The following NRG3 variants were observed in gnomAD, a reference collection of about 807,000 sequenced individuals.
NRG3 encodes the protein neuregulin 3.
NRG3 carries 31 observed loss-of-function variants against 66.9 expected under a neutral mutation model. The observed-to-expected ratio is 0.46, with a 90% confidence interval of 0.35 to 0.63. NRG3 has a LOEUF of 0.63. NRG3 is among the 20% of genes least tolerant of loss of function. The probability of loss-of-function intolerance (pLI) is 0.00; values close to 1 mark genes in which losing one functional copy is unlikely to be tolerated. For synonymous variants in NRG3, 393 were observed against 359.4 expected, an observed-to-expected ratio of 1.09 and a Z score of -1.06; for missense variants, 910 against 878.9, an observed-to-expected ratio of 1.04 and a Z score of -0.45.
chr10:82,870,188 G>A (rs1841202728), intron 4 of NRG3, among the ~76,000 whole-genome samples: 1 of 151,432 alleles, frequency 6.6e-6, no homozygotes, highest in Admixed American at 6.6e-5. Context: ...TTTTACTATT[G>A]TCATAGTTTT....
intron 6 of NRG3, among the ~76,000 whole-genome samples, chr10:82,961,601 C>A (rs779815034): frequency 6.6e-6 from 1 of 152,192 alleles, no homozygotes. Flanking sequence ...TCTGAAGACA[C>A]TTTGGCTATT....
intron 2 of NRG3, among the ~76,000 whole-genome samples, chr10:82,425,770 A>G (rs1401559551): frequency 6.6e-6 from 1 of 152,096 alleles, no homozygotes; most frequent in Non-Finnish European, 1.5e-5. Flanking sequence ...CAGACACTAA[A>G]TTTTTATCTA....
At chr10:82,511,025 CTT>C (rs1445814843) in intron 2 of NRG3, among the ~76,000 whole-genome samples, 2 of 152,174 alleles carry the variant, frequency 1.3e-5, no homozygotes, top group East Asian at 1.9e-4. Context: ...ATTCCAAAGA[CTT>C]TTTCATTTCA....
At chr10:82,740,365 TA>T in intron 3 of NRG3, among the ~76,000 whole-genome samples, 1 of 152,078 alleles carries the variant, frequency 6.6e-6, no homozygotes, top group African/African-American at 2.4e-5. Flanking sequence ...AAAACCTCTT[TA>T]AACAATCTAA....
intron 1 of NRG3, among the ~76,000 whole-genome samples, chr10:82,115,905 A>G (rs555155734): frequency 1.5e-4 from 23 of 152,096 alleles, no homozygotes; most frequent in Non-Finnish European, 2.8e-4. Flanking sequence ...TCCTACATGG[A>G]TGGAGACTCA....
intron 3 of NRG3, among the ~76,000 whole-genome samples, chr10:82,849,683 T>G (rs2063475165): frequency 6.6e-6 from 1 of 152,190 alleles, no homozygotes; most frequent in South Asian, 2.1e-4. Context: ...TATAGGCAGA[T>G]GCAGCAGCCA....
chr10:82,466,724 CAT>C (rs1260694117), intron 2 of NRG3, among the ~76,000 whole-genome samples: 2 of 151,956 alleles, frequency 1.3e-5, no homozygotes, highest in South Asian at 2.1e-4. Flanking sequence ...ATTAGACAGA[CAT>C]GTGCTGCTGA....
intron 1 of NRG3, among the ~76,000 whole-genome samples, chr10:82,155,539 T>G (rs1326657969): frequency 6.6e-6 from 1 of 151,720 alleles, no homozygotes; most frequent in Non-Finnish European, 1.5e-5. Flanking sequence ...TATGGCTGTG[T>G]AAAAATGCTA....
intron 1 of NRG3, among the ~76,000 whole-genome samples, chr10:82,060,435 A>G (rs2064081878): frequency 6.6e-6 from 1 of 152,184 alleles, no homozygotes; most frequent in Non-Finnish European, 1.5e-5. Context: ...CTGAACTGCA[A>G]TGATTTTAAA....
chr10:82,183,626 G>C (rs2073589126), intron 1 of NRG3, among the ~76,000 whole-genome samples: 2 of 152,052 alleles, frequency 1.3e-5, no homozygotes, highest in Admixed American at 1.3e-4. Flanking sequence ...ATTTGCTCAT[G>C]TAATTGTCTA....
In NRG3 at chr10:82,625,380, A is replaced by T. The variant is rs1381777867; in HGVS notation, c.954-113197A>T. 5.3e-5 allele frequency among the ~76,000 whole-genome samples: 8 copies of T among 152,276 alleles called. 1 individual carries two copies. In the East Asian group the frequency reaches 1.5e-3, roughly 29 times the overall value. The stretch of plus-strand genomic sequence containing the variant: ...TCTATTATCCAGAATTTAATTAAAT[A>T]CACAGATACTTTTTTTAGTACCAAG... On this transcript the variant is annotated intron_variant, in intron 2 of 8. Transcript: ENST00000372141.
chr10:82,345,902 G>T (rs1208321117), intron 1 of NRG3, among the ~76,000 whole-genome samples: 3 of 151,940 alleles, frequency 2.0e-5, no homozygotes, highest in Non-Finnish European at 1.5e-5. Flanking sequence ...TGTGATTTTT[G>T]TACATTGATT....
intron 1 of NRG3, among the ~76,000 whole-genome samples, chr10:82,316,718 G>A (rs1412626821): frequency 3.3e-5 from 5 of 152,208 alleles, no homozygotes; most frequent in Non-Finnish European, 7.3e-5. Flanking sequence ...AAAGGAAAAA[G>A]TTGAAAATCT....
chr10:81,952,776 T>A (rs541469374), intron 1 of NRG3, among the ~76,000 whole-genome samples: 6 of 151,210 alleles, frequency 4.0e-5, no homozygotes, highest in African/African-American at 1.5e-4. Flanking sequence ...CTATTTTTTT[T>A]TAAATTTTTA....
At chr10:82,767,084 G>T (rs2059544387) in intron 3 of NRG3, among the ~76,000 whole-genome samples, 1 of 150,756 alleles carries the variant, frequency 6.6e-6, no homozygotes. Flanking sequence ...ATGATCCATT[G>T]TAAAATCAAG....
intron 2 of NRG3, among the ~76,000 whole-genome samples, chr10:82,398,929 G>A (rs991920517): frequency 6.6e-6 from 1 of 152,136 alleles, no homozygotes; most frequent in Admixed American, 6.6e-5. Flanking sequence ...AGTACAGAAG[G>A]AAGCAGGATA....
intron 1 of NRG3, among the ~76,000 whole-genome samples, chr10:82,089,506 G>T (rs78959671): frequency 1.3e-5 from 2 of 152,124 alleles, no homozygotes; most frequent in African/African-American, 2.4e-5. Context: ...AAGCAGCCAG[G>T]GGGTGGAGTG....
At chr10:82,642,131 G>A (rs1160446560) in intron 2 of NRG3, among the ~76,000 whole-genome samples, 1 of 152,128 alleles carries the variant, frequency 6.6e-6, no homozygotes, top group Non-Finnish European at 1.5e-5. Context: ...TTTCACTTAA[G>A]ATAATGGCCT....
chr10:82,289,859 T>C (rs2079625146), intron 1 of NRG3, among the ~76,000 whole-genome samples: 1 of 152,204 alleles, frequency 6.6e-6, no homozygotes, highest in African/African-American at 2.4e-5. Context: ...TAATAACCAC[T>C]GCTCCACTTG....
Sources: allele counts gnomAD v4.1 joint callset (sites outside exome capture counted in the v4.1 genomes callset), GRCh38; gene constraint gnomAD v4.1.1; transcripts MANE v1.5; gene names NCBI Gene and HGNC (gene_info 2026-07-23, HGNC 2026-07-21).